The following FAM171A1 variants were observed in gnomAD, a reference collection of about 807,000 sequenced individuals.
The protein encoded by FAM171A1 is family with sequence similarity 171 member A1.
FAM171A1 carries 23 observed loss-of-function variants against 74.9 expected under a neutral mutation model. The observed-to-expected ratio is 0.31, with a 90% confidence interval of 0.22 to 0.44. The LOEUF (loss-of-function observed/expected upper bound fraction) is 0.44. FAM171A1 is among the 20% of genes least tolerant of loss of function. The pLI, the probability that FAM171A1 is intolerant of heterozygous loss-of-function variation, is 1.00. For synonymous variants in FAM171A1, 527 were observed against 505.7 expected (o/e 1.04, Z -0.57); for missense variants, 1,162 against 1,159.2 (o/e 1.00, Z -0.03).
At chr10:15,371,643 A>G (rs1441795456), upstream of FAM171A1, among the ~76,000 whole-genome samples, 3 of 152,126 alleles carry the variant, frequency 2.0e-5, no homozygotes, top group Admixed American at 6.5e-5. Flanking sequence ...ACACTCCCCA[A>G]GCCAGTATAG....
At chr10:15,279,680 G>A (rs1476426202) in intron 2 of FAM171A1, among the ~76,000 whole-genome samples, 1 of 152,100 alleles carries the variant, frequency 6.6e-6, no homozygotes, top group Non-Finnish European at 1.5e-5. Context: ...AGCACTTTGG[G>A]AGTCCAAGGC....
chr10:15,372,832 C>T (rs1460441088), upstream of FAM171A1, among the ~76,000 whole-genome samples: 2 of 152,092 alleles, frequency 1.3e-5, no homozygotes, highest in Non-Finnish European at 2.9e-5. Flanking sequence ...TTCTCTCAAC[C>T]CACTCCTGTC....
intron 1 of FAM171A1, among the ~76,000 whole-genome samples, chr10:15,367,829 C>T (rs1836084962): frequency 6.6e-6 from 1 of 152,238 alleles, no homozygotes; most frequent in Non-Finnish European, 1.5e-5. Context: ...ACAAAATAAA[C>T]ATCATCCAAT....
rs1306623917 is a variant in FAM171A1, at chr10:15,213,486, G to A, written c.2102C>T (p.Pro701Leu). Residue 701 changes from proline to leucine, a missense_variant, in exon 8 of 8, where the codon CCG (proline) becomes CTG (leucine). Physicochemically the swap from Pro to Leu is moderately conservative, Grantham distance 98 (BLOSUM62 -3). Coordinates refer to ENST00000378116, the MANE Select transcript of FAM171A1 (RefSeq NM_001010924.2). The surrounding 1 kb of genome is among the most constrained non-coding windows in gnomAD (Gnocchi z 6.8). Reference sequence around the variant, plus strand: ...GAACCACGCCCGGGGGTGCGGAAGCGGCTTCCCACCCCCAAGCTCCATCAG... The same window carrying A: ...GAACCACGCCCGGGGGTGCGGAAGCAGCTTCCCACCCCCAAGCTCCATCAG... The part of the protein sequence containing the change: ...KALMELGGGK[P>L]LPHPRAWFVS... The A allele has an allele frequency of 4.3e-6, 7 of 1,614,086 alleles. No individual in the cohort carries two copies. Among genetic ancestry groups the A allele is most frequent in the East Asian group, 2.2e-5 (1 of 44,864 alleles).
chr10:15,342,394 A>C (rs1249767083), intron 1 of FAM171A1, among the ~76,000 whole-genome samples: 1 of 152,156 alleles, frequency 6.6e-6, no homozygotes, highest in Non-Finnish European at 1.5e-5. Context: ...ATATGGCGAA[A>C]CCCTGTCTCT....
chr10:15,267,614 AAAAAAAAAAAAAAAAAAG>A (rs1834763452), intron 3 of FAM171A1, among the ~76,000 whole-genome samples: 1 of 150,234 alleles, frequency 6.7e-6, no homozygotes, highest in East Asian at 2.0e-4. Context: ...AAAAAAAAAA[AAAAAAAAAAAAAAAAAAG>A]AAGGGGAGAA....
chr10:15,320,460 G>A (rs1835473918), intron 1 of FAM171A1, among the ~76,000 whole-genome samples: 1 of 152,166 alleles, frequency 6.6e-6, no homozygotes, highest in Admixed American at 6.5e-5. Flanking sequence ...ATGGCAGAAC[G>A]ATTTATATTC....
chr10:15,368,068 A>C (rs930663022), intron 1 of FAM171A1, among the ~76,000 whole-genome samples: 42 of 152,318 alleles, frequency 2.8e-4, no homozygotes, highest in African/African-American at 9.9e-4. Context: ...AAATTCCCAG[A>C]AAATAGATTC....
At chr10:15,350,015 G>C (rs1017649242) in intron 1 of FAM171A1, among the ~76,000 whole-genome samples, 1 of 151,854 alleles carries the variant, frequency 6.6e-6, no homozygotes, top group African/African-American at 2.4e-5. Context: ...GGGTGAAGAC[G>C]AATGATAATA....
At position 15,322,969 on chromosome 10, in the gene FAM171A1, G is replaced by A. The variant is rs906112715; in HGVS notation, c.98-38864C>T. On this transcript the variant is annotated intron_variant, in intron 1 of 7. Transcript: ENST00000378116. The stretch of plus-strand genomic sequence containing the variant: ...AGCCTGGCCAACATGGCGAAACCCT[G>A]TCTCTACTAAATATACAAAAATTAG... Among the ~76,000 whole-genome samples the A allele has an allele frequency of 9.2e-5, 14 of 151,914 alleles. No individual in the cohort carries two copies. The East Asian group carries it at 2.7e-3, about 29-fold the overall frequency.
At chr10:15,351,404 A>G (rs1315267667) in intron 1 of FAM171A1, among the ~76,000 whole-genome samples, 1 of 152,208 alleles carries the variant, frequency 6.6e-6, no homozygotes, top group Non-Finnish European at 1.5e-5. Flanking sequence ...GACTTTGAGC[A>G]CCTTTTCTTG....
chr10:15,286,049 G>T (rs1835031759), intron 1 of FAM171A1, among the ~76,000 whole-genome samples: 1 of 152,220 alleles, frequency 6.6e-6, no homozygotes, highest in African/African-American at 2.4e-5. Flanking sequence ...AACTGGGAAT[G>T]ATAAACATGC....
At chr10:15,345,712 G>A (rs1423527585) in intron 1 of FAM171A1, among the ~76,000 whole-genome samples, 9 of 152,142 alleles carry the variant, frequency 5.9e-5, no homozygotes, top group Non-Finnish European at 7.4e-5. Context: ...CCTAGGCCAC[G>A]TCTTCCTCAA....
intron 3 of FAM171A1, among the ~76,000 whole-genome samples, chr10:15,269,326 C>T (rs1239067685): frequency 6.6e-6 from 1 of 151,634 alleles, no homozygotes; most frequent in African/African-American, 2.4e-5. Context: ...GCTTAACTGC[C>T]CTGGCTGATC....
At chr10:15,288,996 AT>A (rs1218354042) in intron 1 of FAM171A1, among the ~76,000 whole-genome samples, 1 of 151,708 alleles carries the variant, frequency 6.6e-6, no homozygotes, top group Non-Finnish European at 1.5e-5. Flanking sequence ...CTACTTTTGT[AT>A]TTTTAGTGGA....
chr10:15,315,030 C>T (rs2131841671), intron 1 of FAM171A1, among the ~76,000 whole-genome samples: 1 of 152,356 alleles, frequency 6.6e-6, no homozygotes, highest in South Asian at 2.1e-4. Context: ...AGGTCACCCT[C>T]AGGCCTTTTT....
intron 3 of FAM171A1, among the ~76,000 whole-genome samples, chr10:15,262,250 CAG>C (rs1370728187): frequency 3.9e-5 from 6 of 152,216 alleles, no homozygotes; most frequent in Admixed American, 1.3e-4. Flanking sequence ...GCCATGGGTG[CAG>C]AGTCTGATGT....
At chr10:15,230,841 T>G (rs936231029) in intron 5 of FAM171A1, among the ~76,000 whole-genome samples, 5 of 152,190 alleles carry the variant, frequency 3.3e-5, no homozygotes, top group African/African-American at 1.2e-4. Flanking sequence ...ACAATAGATA[T>G]ATATACATTT....
intron 1 of FAM171A1, among the ~76,000 whole-genome samples, chr10:15,302,980 G>C (rs10796275): frequency 0.29 from 44,205 of 152,076 alleles, 8,140 homozygotes; most frequent in East Asian, 0.63. Flanking sequence ...CCTGAGGTCA[G>C]GAGTTTGAGA....
Sources: allele counts gnomAD v4.1 joint callset (sites outside exome capture counted in the v4.1 genomes callset), GRCh38; gene constraint gnomAD v4.1.1; non-coding constraint Gnocchi (gnomAD v3.1); transcripts MANE v1.5; gene names NCBI Gene and HGNC (gene_info 2026-07-23, HGNC 2026-07-21).